The following GPR161 variants were observed in gnomAD, a reference collection of about 807,000 sequenced individuals.
The protein encoded by GPR161 is G-protein coupled receptor RE2.
In GPR161, 25 loss-of-function variants were observed where a neutral mutation model predicts 39.2. That is an observed-to-expected ratio of 0.64 (90% CI 0.47 to 0.89). The LOEUF (loss-of-function observed/expected upper bound fraction) is 0.89. Among genes scored for constraint, GPR161 ranks in the 40% least tolerant of loss-of-function variants. The pLI, the probability that GPR161 is intolerant of heterozygous loss-of-function variation, is 0.00. For synonymous variants in GPR161, 286 were observed against 276.6 expected, an observed-to-expected ratio of 1.03 and a Z score of -0.34; for missense variants, 547 against 677.8, an observed-to-expected ratio of 0.81 and a Z score of 2.14.
At chr1:168,136,933 C>T (rs1476797692), upstream of GPR161, 2 of 977,992 alleles carry the variant, frequency 2.0e-6, no homozygotes, top group Non-Finnish European at 2.4e-6. Context: ...GGCCAAGTAA[C>T]TTTGCGGCGC....
intron 1 of GPR161, among the ~76,000 whole-genome samples, chr1:168,129,294 C>T (rs74741194): frequency 3.3e-5 from 5 of 152,076 alleles, no homozygotes; most frequent in Admixed American, 6.5e-5. Context: ...ATGAGCTCGG[C>T]GTGTTTAAGG....
intron 1 of GPR161, among the ~76,000 whole-genome samples, chr1:168,118,942 A>T (rs2102223724): frequency 6.6e-6 from 1 of 152,014 alleles, no homozygotes. Flanking sequence ...AAAAAAAGCA[A>T]ATGGTGAGGA....
At chr1:168,099,094 C>T (rs569093390) in intron 2 of GPR161, among the ~76,000 whole-genome samples, 3 of 152,264 alleles carry the variant, frequency 2.0e-5, no homozygotes, top group Non-Finnish European at 4.4e-5. Context: ...TCGACCTTTC[C>T]CCCTTCCTCC....
At chr1:168,097,266 A>G (rs1695649670) in intron 2 of GPR161, 34 bp from the exon 3 acceptor site, 3 of 1,575,014 alleles carry the variant, frequency 1.9e-6, no homozygotes, top group African/African-American at 2.7e-5. Flanking sequence ...AAGAGAGAGA[A>G]GTCAGCGGAG....
Position 168,084,469 on chromosome 1 carries a change from T to A in GPR161, c.*1062A>T. ...GGTGACAAGATGTCCAAATGACATGTGCACACAAAGACAGAGCTGGGCCAA... is the reference window on the plus strand; with the variant it reads ...GGTGACAAGATGTCCAAATGACATGAGCACACAAAGACAGAGCTGGGCCAA... On this transcript the variant is annotated 3_prime_UTR_variant, in exon 6 of 6. Transcript: ENST00000682931. 3.3e-6 allele frequency: 1 copy of A among 300,042 alleles called. No individual in the cohort carries two copies. The highest frequency in any genetic ancestry group is 6.4e-6 in the Non-Finnish European group (1 of 156,238). 18.6% of individuals were successfully genotyped at this position (300,042 alleles called of 1,614,324 possible). A position where few individuals can be genotyped will look rare whatever the true frequency, so the allele number is the denominator to read the frequency against.
intron 1 of GPR161, among the ~76,000 whole-genome samples, chr1:168,113,352 C>T (rs1356785679): frequency 6.6e-6 from 1 of 152,304 alleles, no homozygotes; most frequent in South Asian, 2.1e-4. Flanking sequence ...CTGAGAAAGA[C>T]AGCTGTCCCT....
intron 1 of GPR161, among the ~76,000 whole-genome samples, chr1:168,134,120 T>C (rs1477428062): frequency 6.6e-6 from 1 of 152,244 alleles, no homozygotes. Flanking sequence ...GGGGCAGGGC[T>C]GGGAGGTAGG....
chr1:168,085,540 C>T lies in GPR161; in HGVS notation c.1581G>A (p.Glu527=), dbSNP rs978008851. ...SIEEGDVLAA[E]QR is the part of the protein sequence containing the mutation. ...CGGCACCCTGAGGCCCTCATCTCTG[C>T]TCGGCAGCTAAAACATCTCCTTCTT... Residue 527 remains glutamate (E), a synonymous_variant, in exon 6 of 6, where the codon GAG becomes GAA. Transcript: ENST00000682931. 2 of 1,611,572 alleles carry T rather than the reference C, an allele frequency of 1.2e-6. No homozygotes were observed.
intron 2 of GPR161, among the ~76,000 whole-genome samples, chr1:168,102,390 A>G (rs532214845): frequency 2.7e-4 from 41 of 152,298 alleles, no homozygotes; most frequent in East Asian, 9.7e-4. Context: ...ATCGGCGCCC[A>G]CAAGTCAGCC....
At position 168,104,934 on chromosome 1, in the gene GPR161, C is replaced by A. The variant is rs1404038228; in HGVS notation, c.-44-40G>T. 4 of 1,463,700 alleles carry A rather than the reference C, an allele frequency of 2.7e-6. No homozygotes were observed. In the South Asian group the frequency reaches 3.7e-5, roughly 14 times the overall value. 90.7% of individuals were successfully genotyped at this position (1,463,700 alleles called of 1,614,324 possible). On this transcript the variant is annotated intron_variant, in intron 1 of 5. Coordinates refer to ENST00000682931, the MANE Select transcript of GPR161 (RefSeq NM_001375883.1). The stretch of plus-strand genomic sequence containing the variant: ...CAGGACCAGGGGACAGGAAAAGATT[C>A]ATCAAATCACATCGTCTCCACCTTA...
rs1307405592 is a variant in GPR161 at position 168,083,987 on chromosome 1, CTTA to C, written c.*1541_*1543del. On this transcript the variant is annotated 3_prime_UTR_variant, in exon 6 of 6. Coordinates refer to ENST00000682931, the MANE Select transcript of GPR161 (RefSeq NM_001375883.1). ...CCAACCAAAGCAGAGAAGTCCTGAACTTATTTAGTCATGATGCAGGCCAAGGGC... is the reference window on the plus strand; with the variant it reads ...CCAACCAAAGCAGAGAAGTCCTGAACTTTAGTCATGATGCAGGCCAAGGGC... 6.6e-6 allele frequency: 1 copy of C among 152,286 alleles called. No homozygotes were observed. Among genetic ancestry groups the C allele is most frequent in the Non-Finnish European group, 1.5e-5 (1 of 68,090 alleles). The allele number at this position is 152,286 out of a possible 1,614,324, so 9.4% of individuals were successfully genotyped here.
chr1:168,105,240 C>T (rs1056144295), intron 1 of GPR161, among the ~76,000 whole-genome samples: 2 of 152,142 alleles, frequency 1.3e-5, no homozygotes, highest in African/African-American at 2.4e-5. Flanking sequence ...AGGTTCTGGG[C>T]GCAGAGATCA....
chr1:168,080,802 C>T lies in GPR161; in HGVS notation c.*4729G>A, dbSNP rs12097632. 0.14 allele frequency: 22,033 copies of T among 152,168 alleles called. 1,940 individuals carry two copies. The highest frequency in any genetic ancestry group is 0.25 in the South Asian group (1,185 of 4,826). 9.4% of individuals were successfully genotyped at this position (152,168 alleles called of 1,614,324 possible). On this transcript the variant is annotated 3_prime_UTR_variant, in exon 6 of 6. Transcript: ENST00000682931. Reference sequence around the variant, plus strand: ...ATTTGATCATCTTTGATAGTCATTCCGGACAAATTAGAATGATTTTATCTT... The same window carrying T: ...ATTTGATCATCTTTGATAGTCATTCTGGACAAATTAGAATGATTTTATCTT...
rs1336881065 is a variant in GPR161 at position 168,104,640 on chromosome 1, G to C, written c.211C>G (p.Leu71Val). The C allele has an allele frequency of 6.2e-7, 1 of 1,614,090 alleles. No individual in the cohort carries two copies. Among genetic ancestry groups the C allele is most frequent in the Non-Finnish European group, 8.5e-7 (1 of 1,179,940 alleles). ...LSNKFVFSLT[L>V]SNFLLSVLVL... ...AACACGGACAGCAGGAAGTTGGACA[G>C]AGTCAGGCTGAAGACGAACTTGTTG... The change falls in exon 2 of 6, where the codon CTG (leucine) becomes GTG (valine). Residue 71 changes from leucine to valine, a missense_variant. Leu to Val is a conservative substitution (Grantham distance 32). Coordinates refer to ENST00000682931, the MANE Select transcript of GPR161 (RefSeq NM_001375883.1).
intron 1 of GPR161, among the ~76,000 whole-genome samples, chr1:168,106,884 C>T (rs891922104): frequency 2.0e-5 from 3 of 152,120 alleles, no homozygotes; most frequent in Non-Finnish European, 2.9e-5. Context: ...CCTTCTATGT[C>T]TGTGTCTTTG....
rs1694148456 is a variant in GPR161, at chr1:168,082,485, T to C, written c.*3046A>G. The C allele has an allele frequency of 6.6e-6, 1 of 152,274 alleles. No individual in the cohort carries two copies. The highest frequency in any genetic ancestry group is 1.5e-5 in the Non-Finnish European group (1 of 68,124). The allele number at this position is 152,274 out of a possible 1,614,324, so 9.4% of individuals were successfully genotyped here. A position where few individuals can be genotyped will look rare whatever the true frequency, so the allele number is the denominator to read the frequency against. On this transcript the variant is annotated 3_prime_UTR_variant, in exon 6 of 6. Coordinates refer to ENST00000682931, the MANE Select transcript of GPR161 (RefSeq NM_001375883.1). ...GTCTTGGTGCCTCTGGCCAGGGAAATGGCTGTGTTGAGCTGTGTGTGTGCT... is the reference window on the plus strand; with the variant it reads ...GTCTTGGTGCCTCTGGCCAGGGAAACGGCTGTGTTGAGCTGTGTGTGTGCT...
chr1:168,125,899 A>G (rs548673001), intron 1 of GPR161, among the ~76,000 whole-genome samples: 24 of 152,234 alleles, frequency 1.6e-4, no homozygotes, highest in Non-Finnish European at 2.6e-4. Flanking sequence ...TACAGGCGTG[A>G]GCCACCGCAC....
intron 2 of GPR161, among the ~76,000 whole-genome samples, chr1:168,102,912 TA>T (rs74372180): frequency 7.5e-5 from 11 of 147,018 alleles, no homozygotes; most frequent in East Asian, 3.9e-4. Flanking sequence ...AACTTTTTTT[TA>T]AAAAAAAATT....
intron 1 of GPR161, among the ~76,000 whole-genome samples, chr1:168,119,231 T>TATACACATATATATATACATATATATAC (rs1697911924): frequency 8.6e-6 from 1 of 116,060 alleles, no homozygotes; most frequent in African/African-American, 4.1e-5. Context: ...TATATACGTA[T>TATACACATATATATATACATATATATAC]ATATATATAT....
Sources: allele counts gnomAD v4.1 joint callset (sites outside exome capture counted in the v4.1 genomes callset), GRCh38; gene constraint gnomAD v4.1.1; transcripts MANE v1.5; gene names NCBI Gene and HGNC (gene_info 2026-07-23, HGNC 2026-07-21).